AKNA: variants seen among roughly 807,000 people sequenced by gnomAD.
The protein encoded by AKNA is AT-hook transcription factor.
Under a neutral mutation model 138.8 loss-of-function variants are expected in AKNA, and 67 were observed. That is an observed-to-expected ratio of 0.48 (90% CI 0.40 to 0.59). The LOEUF (loss-of-function observed/expected upper bound fraction) is 0.59, where lower values mean the gene tolerates loss of function less well. Ranked by LOEUF, AKNA falls within the 20% of genes least tolerant of loss-of-function variation. The pLI is 0.00. For synonymous variants in AKNA, 737 were observed against 754.4 expected, an observed-to-expected ratio of 0.98 and a Z score of 0.38; for missense variants, 1,813 against 1,880.4, an observed-to-expected ratio of 0.96 and a Z score of 0.66.
chr9:114,348,840 C>T (rs745622149), intron 15 of AKNA: 8 of 456,216 alleles, frequency 1.8e-5, no homozygotes, highest in South Asian at 1.2e-4. Context: ...TCCACATCTA[C>T]TTGGTCTGGC....
At chr9:114,357,413 C>T (rs1050055997) in intron 12 of AKNA, among the ~76,000 whole-genome samples, 22 of 152,224 alleles carry the variant, frequency 1.4e-4, no homozygotes, top group African/African-American at 4.3e-4. Context: ...GGGTTTAACA[C>T]ACGGCACAGA....
intron 9 of AKNA, 160 bp from the exon 10 acceptor site, chr9:114,360,222 C>T: frequency 1.2e-6 from 1 of 853,384 alleles, no homozygotes; most frequent in South Asian, 1.6e-5. Context: ...ACTATGGAGA[C>T]TGGGCTGTGT....
chr9:114,338,076 G>A lies in AKNA; in HGVS notation c.4068-770C>T, dbSNP rs148865807. On this transcript the variant is annotated intron_variant, in intron 21 of 21. Transcript: ENST00000374088. ...CTGTTAAATAAAGGGTGTGTGTGGTGGAGGAGGGAGATAAAGAAGCATGGA... is the reference window on the plus strand; with the variant it reads ...CTGTTAAATAAAGGGTGTGTGTGGTAGAGGAGGGAGATAAAGAAGCATGGA... Among the ~76,000 whole-genome samples the A allele has an allele frequency of 2.3e-3, 354 of 152,274 alleles. 1 individual carries two copies. Among genetic ancestry groups the A allele is most frequent in the South Asian group, 4.1e-3 (20 of 4,826 alleles).
At chr9:114,357,480 A>C (rs1197203093) in intron 12 of AKNA, among the ~76,000 whole-genome samples, 1 of 152,200 alleles carries the variant, frequency 6.6e-6, no homozygotes, top group Non-Finnish European at 1.5e-5. Flanking sequence ...TCTAGTGCAG[A>C]GAATCCTGAC....
At chr9:114,348,820 G>C (rs1462846934) in intron 15 of AKNA, 1 of 455,014 alleles carries the variant, frequency 2.2e-6, no homozygotes, top group African/African-American at 2.0e-5. Context: ...CCCTCCAGGC[G>C]GATGCAGGCT....
At chr9:114,366,146 G>A (rs1026539323) in intron 6 of AKNA, among the ~76,000 whole-genome samples, 2 of 152,088 alleles carry the variant, frequency 1.3e-5, no homozygotes, top group Admixed American at 6.5e-5. Flanking sequence ...AGGCATGGTG[G>A]CGCGTGCCTG....
At position 114,356,889 on chromosome 9, in the gene AKNA, A is replaced by G. The variant is rs1588971816; in HGVS notation, c.2820T>C (p.Thr940=). Residue 940 remains threonine (T), a synonymous_variant, in exon 13 of 22, where the codon ACT becomes ACC. Coordinates refer to ENST00000374088, the MANE Select transcript of AKNA (RefSeq NM_001317950.2). ...TGATGTGGGAGAGCCGGTGCTCTGGAGTCTGGGTGAGGGGTGAAACTCTGC... is the reference window on the plus strand; with the variant it reads ...TGATGTGGGAGAGCCGGTGCTCTGGGGTCTGGGTGAGGGGTGAAACTCTGC... ...ETSRVSPLTQ[T]PEHRLSHIST... is the part of the protein sequence containing the mutation. The G allele has an allele frequency of 6.4e-7, 1 of 1,563,900 alleles. No individual in the cohort carries two copies. Among genetic ancestry groups the G allele is most frequent in the Non-Finnish European group, 8.6e-7 (1 of 1,161,226 alleles).
Position 114,337,016 on chromosome 9 carries a change from C to T in AKNA, c.*38G>A. 20 of 167,210 alleles carry T rather than the reference C, an allele frequency of 1.2e-4. No individual in the cohort carries two copies. The highest frequency in any genetic ancestry group is 2.5e-4 in the Non-Finnish European group (19 of 75,124). 10.4% of individuals were successfully genotyped at this position (167,210 alleles called of 1,614,324 possible). A position where few individuals can be genotyped will look rare whatever the true frequency, so the allele number is the denominator to read the frequency against. On this transcript the variant is annotated 3_prime_UTR_variant, in exon 22 of 22. Transcript: ENST00000374088. ...CTCCTGGCCTGGCAGGCCACCTGCCCACCCACCCACCCATCTGCCTCTGGG... is the reference window on the plus strand; with the variant it reads ...CTCCTGGCCTGGCAGGCCACCTGCCTACCCACCCACCCATCTGCCTCTGGG...
chr9:114,357,847 C>A, intron 12 of AKNA, 74 bp downstream of exon 12: 1 of 1,568,554 alleles, frequency 6.4e-7, no homozygotes, highest in Admixed American at 2.2e-5. Context: ...AAGGAAAGAC[C>A]CAGAAGCAGA....
At position 114,356,024 on chromosome 9, in the gene AKNA, G is replaced by A; in HGVS notation, c.2959C>T (p.Pro987Ser). The A allele has an allele frequency of 6.2e-7, 1 of 1,614,206 alleles. No homozygotes were observed. The highest frequency in any genetic ancestry group is 8.5e-7 in the Non-Finnish European group (1 of 1,180,042). ...AGGTACCTCTGTGCTTGGCTCCGGGGTGTGCTGGGCTCTGTGGCTCTTCTG... is the reference window on the plus strand; with the variant it reads ...AGGTACCTCTGTGCTTGGCTCCGGGATGTGCTGGGCTCTGTGGCTCTTCTG... ...IPRRATEPST[P>S]RSQAQRYLSS... Residue 987 changes from proline (P) to serine (S), a missense_variant, in exon 14 of 22, where the codon CCC becomes TCC. By Grantham distance (74) the Pro-to-Ser change is moderately conservative. Coordinates refer to ENST00000374088, the MANE Select transcript of AKNA (RefSeq NM_001317950.2).
intron 4 of AKNA, among the ~76,000 whole-genome samples, chr9:114,373,871 G>A (rs908468009): frequency 8.7e-6 from 1 of 114,696 alleles, no homozygotes; most frequent in African/African-American, 3.4e-5. Flanking sequence ...AGGTGACAGA[G>A]CAAGACCCTG....
At chr9:114,330,767 T>C (rs932045549), downstream of AKNA, 22 of 1,612,182 alleles carry the variant, frequency 1.4e-5, 1 homozygote, top group African/African-American at 9.4e-5. Context: ...TTACTGTTTT[T>C]CTTCCGCCTT....
intron 14 of AKNA, among the ~76,000 whole-genome samples, chr9:114,354,196 T>A (rs1831324515): frequency 6.6e-6 from 1 of 152,176 alleles, no homozygotes; most frequent in African/African-American, 2.4e-5. Flanking sequence ...TAACTTTTTT[T>A]TAAAAAACTT....
intron 21 of AKNA, among the ~76,000 whole-genome samples, chr9:114,340,212 T>TA (rs954881487): frequency 6.6e-6 from 1 of 152,196 alleles, no homozygotes; most frequent in African/African-American, 2.4e-5. Flanking sequence ...GCACCAGCCC[T>TA]CACAGTGACG....
intron 18 of AKNA, chr9:114,345,019 T>G (rs1056511050): frequency 2.6e-5 from 4 of 151,816 alleles, no homozygotes; most frequent in Non-Finnish European, 5.9e-5. Flanking sequence ...GGTTATCATC[T>G]TCTCTGCTAC....
Position 114,347,719 on chromosome 9 carries a change from C to T in AKNA, c.3398+5G>A. On this transcript the variant is annotated splice_donor_5th_base_variant and intron_variant, in intron 16 of 21. Transcript: ENST00000374088. ...GACAGAGGTGGGAGTTTTGAGGTCACCCACCTGCCATAATGGGAGCCCCAG... is the reference window on the plus strand; with the variant it reads ...GACAGAGGTGGGAGTTTTGAGGTCATCCACCTGCCATAATGGGAGCCCCAG... 6.6e-7 allele frequency: 1 copy of T among 1,517,742 alleles called. No homozygotes were observed. Among genetic ancestry groups the T allele is most frequent in the Non-Finnish European group, 8.8e-7 (1 of 1,131,574 alleles). The allele number at this position is 1,517,742 out of a possible 1,614,324, so 94.0% of individuals were successfully genotyped here. A position where few individuals can be genotyped will look rare whatever the true frequency, so the allele number is the denominator to read the frequency against.
At position 114,341,688 on chromosome 9, in the gene AKNA, T is replaced by C; in HGVS notation, c.3912A>G (p.Ser1304=). The change falls in exon 21 of 22, where the codon TCA becomes TCG. Residue 1304 remains serine, a synonymous_variant. Transcript: ENST00000374088. ...EKATTRRKAS[S]TPSPKQRSKQ... is the part of the protein sequence containing the mutation. ...TGCTCCTCTGCTTGGGGCTGGGAGT[T>C]GAAGATGCTTTTCTCCTCGTGGTGG... 6.3e-7 allele frequency: 1 copy of C among 1,598,614 alleles called. No homozygotes were observed. Among genetic ancestry groups the C allele is most frequent in the Non-Finnish European group, 8.5e-7 (1 of 1,173,530 alleles).
At chr9:114,340,879 AG>A (rs1419577637) in intron 21 of AKNA, among the ~76,000 whole-genome samples, 3 of 152,164 alleles carry the variant, frequency 2.0e-5, no homozygotes, top group African/African-American at 7.2e-5. Flanking sequence ...GTCACAGCCG[AG>A]GGGGCGTAAG....
upstream of AKNA, among the ~76,000 whole-genome samples, chr9:114,395,016 G>A (rs373052444): frequency 2.0e-5 from 3 of 152,296 alleles, no homozygotes; most frequent in South Asian, 2.1e-4. Flanking sequence ...GGCACTGGGC[G>A]CAGAAGGTCT....
Sources: gnomAD v4.1 joint callset for allele counts (sites outside exome capture counted in the v4.1 genomes callset) on GRCh38, gnomAD v4.1.1 for gene constraint, MANE v1.5 for transcripts, NCBI Gene and HGNC (gene_info 2026-07-23, HGNC 2026-07-21) for gene names.